Variants in PDE1C observed in about 807,000 individuals in gnomAD.
The protein encoded by PDE1C is phosphodiesterase 1C, also known as dual specificity calcium/calmodulin-dependent 3',5'-cyclic nucleotide phosphodiesterase 1C.
PDE1C carries 62 observed loss-of-function variants against 93.1 expected under a neutral mutation model. The ratio of observed to expected loss-of-function variants is 0.67; its 90% CI spans 0.54 to 0.82. The LOEUF is 0.82. Among genes scored for constraint, PDE1C ranks in the 40% least tolerant of loss-of-function variants. PDE1C has a pLI of 0.00. For missense variants in PDE1C, 742 were observed against 884.6 expected (o/e 0.84, Z 2.04); for synonymous variants, 325 against 310.1 (o/e 1.05, Z -0.50).
At chr7:32,353,550 G>GTTT (rs200562811) in intron 1 of PDE1C, among the ~76,000 whole-genome samples, 4 of 35,814 alleles carry the variant, frequency 1.1e-4, no homozygotes, top group African/African-American at 2.1e-4. Context: ...ATTGCCTGTA[G>GTTT]TTTTTGTTTT....
At chr7:31,685,667 A>G in the PDE1C span, among the ~76,000 whole-genome samples, 3,952 of 152,284 alleles carry the variant, frequency 0.026, 71 homozygotes, top group Non-Finnish European at 0.033. Context: ...ACGTTTACCT[A>G]TGTAACAAAC....
chr7:31,932,777 G>C (rs1476600363), intron 2 of PDE1C, among the ~76,000 whole-genome samples: 1 of 151,730 alleles, frequency 6.6e-6, no homozygotes, highest in Non-Finnish European at 1.5e-5. Context: ...TATGTTTACT[G>C]CAGTGCTATT....
At chr7:31,881,517 A>G (rs895015263) in intron 2 of PDE1C, among the ~76,000 whole-genome samples, 1 of 152,244 alleles carries the variant, frequency 6.6e-6, no homozygotes, top group African/African-American at 2.4e-5. Flanking sequence ...TATGAACATT[A>G]TCTGCACAGA....
chr7:31,678,072 A>C, the PDE1C span, among the ~76,000 whole-genome samples: 2 of 152,168 alleles, frequency 1.3e-5, no homozygotes, highest in African/African-American at 4.8e-5. Flanking sequence ...ACTTAATAAA[A>C]AATGTTCTAA....
At chr7:31,935,476 A>C (rs1291109442) in intron 2 of PDE1C, among the ~76,000 whole-genome samples, 1 of 152,070 alleles carries the variant, frequency 6.6e-6, no homozygotes, top group Non-Finnish European at 1.5e-5. Flanking sequence ...TGAAAGGAAA[A>C]CCTATAAATA....
chr7:31,959,400 GA>G (rs1230236485), intron 2 of PDE1C, among the ~76,000 whole-genome samples: 4 of 152,062 alleles, frequency 2.6e-5, no homozygotes, highest in Non-Finnish European at 5.9e-5. Context: ...TTTTAGTAGA[GA>G]AAAGGCTTCA....
intron 2 of PDE1C, among the ~76,000 whole-genome samples, chr7:32,174,393 C>T (rs1328189040): frequency 3.9e-5 from 6 of 152,104 alleles, no homozygotes; most frequent in Admixed American, 3.9e-4. Context: ...AACTGAGGGG[C>T]AAATAGAGGG....
intron 15 of PDE1C, among the ~76,000 whole-genome samples, chr7:31,810,535 T>G (rs992879310): frequency 2.6e-5 from 4 of 152,154 alleles, no homozygotes; most frequent in African/African-American, 9.7e-5. Flanking sequence ...AATGTCCAAT[T>G]TGTAAAATTT....
At chr7:32,010,353 C>T (rs548353272) in intron 2 of PDE1C, among the ~76,000 whole-genome samples, 2 of 152,236 alleles carry the variant, frequency 1.3e-5, no homozygotes, top group East Asian at 3.9e-4. Context: ...GAATAGAAAA[C>T]TAATTTTTAA....
At chr7:31,952,153 C>G (rs1563088253) in intron 2 of PDE1C, among the ~76,000 whole-genome samples, 1 of 152,064 alleles carries the variant, frequency 6.6e-6, no homozygotes, top group Non-Finnish European at 1.5e-5. Context: ...ATTCTAATTT[C>G]CAATGCTCAA....
In PDE1C at chr7:32,265,641, T is replaced by A. The variant is rs987753713; in HGVS notation, c.85+33010A>T. On this transcript the variant is annotated intron_variant, in intron 1 of 18. Transcript: ENST00000396193. ...TACTTTTTAGTTTCTTTCTGTTTCA[T>A]GAGTCAAGAAATTAGGTTTTTCACC... Among the ~76,000 whole-genome samples the A allele has an allele frequency of 4.6e-5, 7 of 152,346 alleles. No individual in the cohort carries two copies. In the East Asian group the frequency reaches 1.2e-3, roughly 25 times the overall value.
intron 1 of PDE1C, among the ~76,000 whole-genome samples, chr7:32,272,493 G>A (rs962599926): frequency 6.6e-6 from 1 of 152,214 alleles, no homozygotes; most frequent in Admixed American, 6.5e-5. Flanking sequence ...AATCAATAGA[G>A]TCTCAAAGCC....
intron 2 of PDE1C, among the ~76,000 whole-genome samples, chr7:31,900,879 T>C (rs572571925): frequency 6.6e-6 from 1 of 152,002 alleles, no homozygotes; most frequent in African/African-American, 2.4e-5. Flanking sequence ...AATCTATTTA[T>C]ATAATGTACC....
At chr7:31,831,619 C>T (rs1490115045) in intron 11 of PDE1C, among the ~76,000 whole-genome samples, 7 of 151,886 alleles carry the variant, frequency 4.6e-5, no homozygotes, top group Admixed American at 2.6e-4. Flanking sequence ...TACAAATCTG[C>T]AAATAGTTGG....
At chr7:31,676,934 A>G in the PDE1C span, among the ~76,000 whole-genome samples, 2 of 152,210 alleles carry the variant, frequency 1.3e-5, no homozygotes, top group Admixed American at 1.3e-4. Context: ...GTGGCTGCCT[A>G]TGCTCCCAGC....
In PDE1C at chr7:32,213,025, T is replaced by C. The variant is rs189147884; in HGVS notation, c.86-3486A>G. ...AGGCAAGGATCATCACTTTTTATCA[T>C]TGTAATTTCCATTCTTTTGTACAGT... is the stretch of plus-strand genomic sequence containing the variant. On this transcript the variant is annotated intron_variant, in intron 1 of 18. Transcript: ENST00000396193. Among the ~76,000 whole-genome samples, 18 of 152,328 alleles carry C rather than the reference T, an allele frequency of 1.2e-4. No individual in the cohort carries two copies. The East Asian group carries it at 3.3e-3, about 28-fold the overall frequency.
chr7:31,866,468 C>T (rs1230714418), intron 6 of PDE1C, among the ~76,000 whole-genome samples: 1 of 152,080 alleles, frequency 6.6e-6, no homozygotes. Flanking sequence ...GGAAAGTCTC[C>T]AGCATCCTCT....
chr7:32,105,504 AG>A (rs1484886263), intron 3 of PDE1C, among the ~76,000 whole-genome samples: 2 of 152,126 alleles, frequency 1.3e-5, no homozygotes, highest in African/African-American at 2.4e-5. Flanking sequence ...ATAAGACTGA[AG>A]GTTTAGTCTT....
chr7:32,276,335 C>CT (rs1282431227), intron 1 of PDE1C, among the ~76,000 whole-genome samples: 2 of 152,062 alleles, frequency 1.3e-5, no homozygotes, highest in Non-Finnish European at 2.9e-5. Context: ...TTCTTCCTAC[C>CT]TAGATATTAA....
Sources: allele counts gnomAD v4.1 joint callset (sites outside exome capture counted in the v4.1 genomes callset), GRCh38; gene constraint gnomAD v4.1.1; transcripts MANE v1.5; gene names NCBI Gene and HGNC (gene_info 2026-07-23, HGNC 2026-07-21).